C20orf203: variants seen among roughly 807,000 people sequenced by gnomAD.
C20orf203 encodes uncharacterized protein C20orf203.
Under a neutral mutation model 15.9 loss-of-function variants are expected in C20orf203, and 16 were observed. The observed-to-expected ratio is 1.01, with a 90% CI of 0.68 to 1.53. C20orf203 has a LOEUF of 1.53. Among genes scored for constraint, C20orf203 ranks in the 40% most tolerant of loss-of-function variants. The pLI is 0.00. For synonymous variants in C20orf203, 98 were observed against 97.2 expected (o/e 1.01, Z -0.05); for missense variants, 263 against 247.5 (o/e 1.06, Z -0.42).
chr20:32,665,329 G>A (rs1394998927), intron 1 of C20orf203, among the ~76,000 whole-genome samples: 2 of 152,220 alleles, frequency 1.3e-5, no homozygotes, highest in African/African-American at 4.8e-5. Flanking sequence ...CCAGACACCT[G>A]ACAGGGAGCA....
At position 32,633,546 on chromosome 20, in the gene C20orf203, A is replaced by G. The variant is rs1982057389; in HGVS notation, c.*2024T>C. The G allele has an allele frequency of 6.6e-6, 1 of 152,440 alleles. No homozygotes were observed. Among genetic ancestry groups the G allele is most frequent in the South Asian group, 2.1e-4 (1 of 4,820 alleles). 9.4% of individuals were successfully genotyped at this position (152,440 alleles called of 1,614,324 possible). ...CTTCTCAGCCTCCTGTCCTGGGCCC[A>G]CAGCAGACATACAACAAATGTTTGT... On this transcript the variant is annotated 3_prime_UTR_variant, in exon 6 of 6. Transcript: ENST00000608990.
At chr20:32,643,987 C>CA (rs1982356337) in intron 4 of C20orf203, among the ~76,000 whole-genome samples, 1 of 152,182 alleles carries the variant, frequency 6.6e-6, no homozygotes, top group South Asian at 2.1e-4. Context: ...CAGAGAGGGT[C>CA]AGAGTGGGAA....
chr20:32,660,724 A>G (rs1982871004), intron 1 of C20orf203, among the ~76,000 whole-genome samples: 1 of 152,154 alleles, frequency 6.6e-6, no homozygotes, highest in Non-Finnish European at 1.5e-5. Context: ...GACATACCTC[A>G]GACTGGGTAA....
intron 5 of C20orf203, among the ~76,000 whole-genome samples, chr20:32,636,284 C>T (rs1045932877): frequency 4.6e-5 from 7 of 152,206 alleles, no homozygotes; most frequent in Non-Finnish European, 8.8e-5. Context: ...AATGAACACC[C>T]TTCGCTTAGA....
intron 5 of C20orf203, among the ~76,000 whole-genome samples, chr20:32,636,097 G>C (rs915007422): frequency 6.6e-6 from 1 of 152,124 alleles, no homozygotes; most frequent in African/African-American, 2.4e-5. Context: ...GAGCACCCTT[G>C]CCACTGAACA....
At chr20:32,652,988 C>T (rs1390791168) in intron 1 of C20orf203, among the ~76,000 whole-genome samples, 1 of 152,178 alleles carries the variant, frequency 6.6e-6, no homozygotes, top group Admixed American at 6.5e-5. Flanking sequence ...GCTGGTCTAG[C>T]CACAGGAAGT....
At chr20:32,638,452 G>A (rs1982195520) in intron 5 of C20orf203, among the ~76,000 whole-genome samples, 1 of 152,180 alleles carries the variant, frequency 6.6e-6, no homozygotes, top group Non-Finnish European at 1.5e-5. Context: ...AGAGGAAGGA[G>A]GATCAGTGAG....
intron 5 of C20orf203, among the ~76,000 whole-genome samples, chr20:32,635,893 C>T (rs1982124958): frequency 6.6e-6 from 1 of 152,192 alleles, no homozygotes; most frequent in Admixed American, 6.5e-5. Flanking sequence ...GCCATGCCTC[C>T]CAGCCCAGCA....
At position 32,668,659 on chromosome 20, in the gene C20orf203, A is replaced by T. The variant is rs193055866; in HGVS notation, c.-264+4973T>A. ...ATAAATAAAAAAATAAAAATAAATT[A>T]AAAAAATAGCTGGGTGTGGTGGTGC... On this transcript the variant is annotated intron_variant, in intron 1 of 5. Transcript: ENST00000608990. Among the ~76,000 whole-genome samples, 86 of 151,778 alleles carry T rather than the reference A, an allele frequency of 5.7e-4. 2 individuals are homozygous for T. Among genetic ancestry groups the T allele is most frequent in the East Asian group, 1.2e-3 (6 of 5,162 alleles).
rs1314670914 is a variant in C20orf203, at chr20:32,632,695, A to G, written c.*2875T>C. The G allele has an allele frequency of 6.6e-6, 1 of 152,110 alleles. No homozygotes were observed. The highest frequency in any genetic ancestry group is 2.4e-5 in the African/African-American group (1 of 41,412). 9.4% of individuals were successfully genotyped at this position (152,110 alleles called of 1,614,324 possible). A position where few individuals can be genotyped will look rare whatever the true frequency, so the allele number is the denominator to read the frequency against. ...AAGTCTTTAGTATTCATGTAACCAGATCTAGAATTCTGGCTCCATGGTTTT... is the reference window on the plus strand; with the variant it reads ...AAGTCTTTAGTATTCATGTAACCAGGTCTAGAATTCTGGCTCCATGGTTTT... On this transcript the variant is annotated 3_prime_UTR_variant, in exon 6 of 6. Transcript: ENST00000608990.
At chr20:32,635,855 A>C (rs1982123895) in intron 5 of C20orf203, among the ~76,000 whole-genome samples, 1 of 152,190 alleles carries the variant, frequency 6.6e-6, no homozygotes, top group South Asian at 2.1e-4. Flanking sequence ...CCATGAGGCC[A>C]CAACTTCTCT....
At chr20:32,673,433 T>C (rs1388956788) in intron 1 of C20orf203, among the ~76,000 whole-genome samples, 199 bp downstream of exon 1, 2 of 152,000 alleles carry the variant, frequency 1.3e-5, no homozygotes, top group Non-Finnish European at 2.9e-5. Flanking sequence ...GGTCCCCACA[T>C]TCGGGGAGCC....
chr20:32,665,478 C>T (rs1018924393), intron 1 of C20orf203, among the ~76,000 whole-genome samples: 1 of 152,142 alleles, frequency 6.6e-6, no homozygotes, highest in African/African-American at 2.4e-5. Context: ...TGGGGAGCCC[C>T]AGTGACCAGG....
At chr20:32,643,808 G>A (rs531169470) in intron 4 of C20orf203, among the ~76,000 whole-genome samples, 1 of 152,302 alleles carries the variant, frequency 6.6e-6, no homozygotes, top group Non-Finnish European at 1.5e-5. Flanking sequence ...GATGGTCAAG[G>A]TCATTTCTAT....
intron 1 of C20orf203, among the ~76,000 whole-genome samples, chr20:32,666,739 G>A (rs1178901018): frequency 7.2e-6 from 1 of 138,364 alleles, no homozygotes; most frequent in Non-Finnish European, 1.6e-5. Context: ...CTCCAGCCTG[G>A]GTGACAGAGC....
intron 5 of C20orf203, among the ~76,000 whole-genome samples, chr20:32,638,809 G>A (rs919147280): frequency 6.6e-6 from 1 of 152,242 alleles, no homozygotes; most frequent in Non-Finnish European, 1.5e-5. Context: ...TGGCCCTGGA[G>A]AGAAGCAGAA....
chr20:32,657,411 A>T (rs1217183113), intron 1 of C20orf203: 1 of 151,872 alleles, frequency 6.6e-6, no homozygotes, highest in Non-Finnish European at 1.5e-5. Flanking sequence ...AATCACTTGA[A>T]CTCAGGAAGA....
chr20:32,654,550 G>A (rs1375563492), intron 1 of C20orf203, among the ~76,000 whole-genome samples: 1 of 152,064 alleles, frequency 6.6e-6, no homozygotes, highest in Non-Finnish European at 1.5e-5. Context: ...TCCTGAAAAA[G>A]AATAATGGTG....
At chr20:32,664,404 C>A (rs538747579) in intron 1 of C20orf203, among the ~76,000 whole-genome samples, 83 of 152,310 alleles carry the variant, frequency 5.4e-4, no homozygotes, top group African/African-American at 2.0e-3. Flanking sequence ...CCAGAGCCAG[C>A]CGTAGAGTTG....
Sources: allele counts gnomAD v4.1 joint callset (sites outside exome capture counted in the v4.1 genomes callset), GRCh38; gene constraint gnomAD v4.1.1; transcripts MANE v1.5; gene names NCBI Gene and HGNC (gene_info 2026-07-23, HGNC 2026-07-21).